ZSWIM6: variants seen among roughly 807,000 people sequenced by gnomAD.
The protein encoded by ZSWIM6 is zinc finger SWIM-type containing 6.
In ZSWIM6, 9 loss-of-function variants were observed where a neutral mutation model predicts 113.2. The ratio of observed to expected loss-of-function variants is 0.08; its 90% CI spans 0.05 to 0.14. ZSWIM6 has a LOEUF of 0.14. ZSWIM6 is among the 10% of genes least tolerant of loss of function. The pLI, the probability that ZSWIM6 is intolerant of heterozygous loss-of-function variation, is 1.00. For missense variants in ZSWIM6, 1,162 were observed against 1,552.2 expected (o/e 0.75, Z 4.22); for synonymous variants, 611 against 606.5 (o/e 1.01, Z -0.11).
Position 61,332,553 on chromosome 5 carries a change from T to A in ZSWIM6, c.281T>A (p.Val94Glu). 1 of 1,356,194 alleles carries A rather than the reference T, an allele frequency of 7.4e-7. No homozygotes were observed. The highest frequency in any genetic ancestry group is 9.7e-7 in the Non-Finnish European group (1 of 1,027,160). The allele number at this position is 1,356,194 out of a possible 1,614,324, so 84.0% of individuals were successfully genotyped here. A position where few individuals can be genotyped will look rare whatever the true frequency, so the allele number is the denominator to read the frequency against. ...RVAEKWPFQR[V>E]EERFERIPEP... ...GCGGAGAAGTGGCCGTTCCAGCGCG[T>A]GGAGGAGCGCTTTGAGCGCATCCCG... Residue 94 changes from valine to glutamate, a missense_variant, in exon 1 of 14, where the codon GTG becomes GAG. By Grantham distance (121) the Val-to-Glu change is moderately radical. Transcript: ENST00000252744.
At chr5:61,493,138 G>A (rs1272433829) in intron 3 of ZSWIM6, among the ~76,000 whole-genome samples, 1 of 152,058 alleles carries the variant, frequency 6.6e-6, no homozygotes, top group Admixed American at 6.6e-5. Context: ...TCCAACTTGA[G>A]AGGCAAAGTT....
At chr5:61,418,882 T>C (rs1376097364) in intron 1 of ZSWIM6, among the ~76,000 whole-genome samples, 1 of 152,152 alleles carries the variant, frequency 6.6e-6, no homozygotes, top group Non-Finnish European at 1.5e-5. Context: ...AGTGCAGTGG[T>C]GCAATCTCGG....
At chr5:61,398,912 GTTTTTTTTT>G (rs57439648) in intron 1 of ZSWIM6, among the ~76,000 whole-genome samples, 4 of 61,784 alleles carry the variant, frequency 6.5e-5, no homozygotes, top group Non-Finnish European at 6.0e-5. Flanking sequence ...GTGTATAGTT[GTTTTTTTTT>G]TTTTTTTTTT....
At chr5:61,355,440 ACACACACACACACACACACAC>A (rs1744881421) in intron 1 of ZSWIM6, among the ~76,000 whole-genome samples, 20 of 40,534 alleles carry the variant, frequency 4.9e-4, no homozygotes, top group Admixed American at 4.8e-3. Context: ...AAACACACAC[ACACACACACACACACACACAC>A]ACACACACAC....
At chr5:61,384,824 G>A (rs1179994044) in intron 1 of ZSWIM6, among the ~76,000 whole-genome samples, 1 of 152,106 alleles carries the variant, frequency 6.6e-6, no homozygotes, top group Non-Finnish European at 1.5e-5. Flanking sequence ...TTGGGAGGCC[G>A]AGGCAGGCGG....
chr5:61,381,951 C>T (rs1011218977), intron 1 of ZSWIM6, among the ~76,000 whole-genome samples: 42 of 152,158 alleles, frequency 2.8e-4, no homozygotes, highest in African/African-American at 9.9e-4. Context: ...TTGTAGCTAA[C>T]GTGTTGTACT....
At chr5:61,343,865 C>G (rs1399809484) in intron 1 of ZSWIM6, among the ~76,000 whole-genome samples, 3 of 149,058 alleles carry the variant, frequency 2.0e-5, no homozygotes, top group African/African-American at 7.4e-5. Flanking sequence ...TGCAAGTTTC[C>G]TTATCCTTAG....
chr5:61,340,499 G>C (rs1442213575), intron 1 of ZSWIM6, among the ~76,000 whole-genome samples: 4 of 152,162 alleles, frequency 2.6e-5, no homozygotes, highest in African/African-American at 9.7e-5. Flanking sequence ...TGCTGAAAGA[G>C]GAAAGGTATT....
At chr5:61,454,368 G>A (rs1323367125) in intron 1 of ZSWIM6, among the ~76,000 whole-genome samples, 4 of 151,686 alleles carry the variant, frequency 2.6e-5, no homozygotes, top group Non-Finnish European at 5.9e-5. Flanking sequence ...CTATCCTCCT[G>A]CTTCAGCCTC....
At chr5:61,480,402 A>G (rs988188099) in intron 2 of ZSWIM6, among the ~76,000 whole-genome samples, 2 of 152,152 alleles carry the variant, frequency 1.3e-5, no homozygotes, top group African/African-American at 4.8e-5. Flanking sequence ...GCTAAAAGGA[A>G]GGTGGTTTGT....
At chr5:61,332,999 TGGGGG>T in intron 1 of ZSWIM6, 51 bp downstream of exon 1, 2 of 622,536 alleles carry the variant, frequency 3.2e-6, no homozygotes, top group Non-Finnish European at 3.7e-6. Context: ...AGTCCCTGGG[TGGGGG>T]GGGGGTGCCC....
intron 7 of ZSWIM6, among the ~76,000 whole-genome samples, chr5:61,527,328 C>T (rs1749314150): frequency 6.6e-6 from 1 of 151,958 alleles, no homozygotes; most frequent in Non-Finnish European, 1.5e-5. Flanking sequence ...GTTTTAGTTG[C>T]TGGGTTTTTG....
intron 4 of ZSWIM6, among the ~76,000 whole-genome samples, chr5:61,520,165 C>T (rs1580058835): frequency 1.3e-5 from 2 of 152,252 alleles, no homozygotes; most frequent in East Asian, 1.9e-4. Flanking sequence ...GAAGAATGTA[C>T]GCCCTATCTT....
intron 1 of ZSWIM6, among the ~76,000 whole-genome samples, chr5:61,363,294 C>T (rs774730220): frequency 1.3e-5 from 2 of 152,204 alleles, no homozygotes; most frequent in Non-Finnish European, 2.9e-5. Context: ...AAAGTGTCAT[C>T]ATGGAATCAG....
In ZSWIM6 at chr5:61,545,523, G is replaced by A. The variant is rs959143479; in HGVS notation, c.*1206G>A. ...TGACATAATGATACATTACGCCTTTGCAGTGAGCTAATAATAAGCTAACCT... is the reference window on the plus strand; with the variant it reads ...TGACATAATGATACATTACGCCTTTACAGTGAGCTAATAATAAGCTAACCT... On this transcript the variant is annotated 3_prime_UTR_variant, in exon 14 of 14. Coordinates refer to ENST00000252744, the MANE Select transcript of ZSWIM6 (RefSeq NM_020928.2). 2 of 151,984 alleles carry A rather than the reference G, an allele frequency of 1.3e-5. No homozygotes were observed. The highest frequency in any genetic ancestry group is 4.8e-5 in the African/African-American group (2 of 41,362). 9.4% of individuals were successfully genotyped at this position (151,984 alleles called of 1,614,324 possible). A position where few individuals can be genotyped will look rare whatever the true frequency, so the allele number is the denominator to read the frequency against.
chr5:61,372,480 G>A (rs1452296957), intron 1 of ZSWIM6, among the ~76,000 whole-genome samples: 3 of 152,072 alleles, frequency 2.0e-5, no homozygotes, highest in Non-Finnish European at 4.4e-5. Context: ...GAACACAGCT[G>A]ACCACTCTTT....
At chr5:61,387,707 G>A (rs562724021) in intron 1 of ZSWIM6, among the ~76,000 whole-genome samples, 1 of 152,126 alleles carries the variant, frequency 6.6e-6, no homozygotes, top group South Asian at 2.1e-4. Context: ...AGGAATTTGA[G>A]ACCAGCCTGG....
At position 61,518,608 on chromosome 5, in the gene ZSWIM6, T is replaced by A. The variant is rs141624936; in HGVS notation, c.1334-2655T>A. On this transcript the variant is annotated intron_variant, in intron 4 of 13. Transcript: ENST00000252744. ...TCTTCTTTTGAGAAATGTCTGTTCA[T>A]GTCCTTTGCCCACTTTTTGATGGGG... Among the ~76,000 whole-genome samples the A allele has an allele frequency of 2.4e-3, 368 of 152,350 alleles. 9 individuals carry two copies. The East Asian group carries it at 0.06, about 25-fold the overall frequency.
At chr5:61,449,444 G>A (rs963122913) in intron 1 of ZSWIM6, among the ~76,000 whole-genome samples, 3 of 152,160 alleles carry the variant, frequency 2.0e-5, no homozygotes, top group Non-Finnish European at 2.9e-5. Flanking sequence ...TGCCCAGGCT[G>A]TCCTTGAACT....
Sources: allele counts gnomAD v4.1 joint callset (sites outside exome capture counted in the v4.1 genomes callset), GRCh38; gene constraint gnomAD v4.1.1; transcripts MANE v1.5; gene names NCBI Gene and HGNC (gene_info 2026-07-23, HGNC 2026-07-21).